AGAP1: variants seen among roughly 807,000 people sequenced by gnomAD.
The protein encoded by AGAP1 is arf-GAP with GTPase, ANK repeat and PH domain-containing protein 1.
Under a neutral mutation model 105.3 loss-of-function variants are expected in AGAP1, and 29 were observed. That is an observed-to-expected ratio of 0.28 (90% CI 0.21 to 0.38). AGAP1 has a LOEUF of 0.38. Ranked by LOEUF, AGAP1 falls within the 10% of genes least tolerant of loss-of-function variation. The probability of loss-of-function intolerance (pLI) is 1.00; values close to 1 mark genes in which losing one functional copy is unlikely to be tolerated. For synonymous variants in AGAP1, 509 were observed against 485.9 expected (o/e 1.05, Z -0.63); for missense variants, 998 against 1,165.1 (o/e 0.86, Z 2.09).
At chr2:235,808,265 A>G (rs1575520857) in intron 9 of AGAP1, among the ~76,000 whole-genome samples, 2 of 152,112 alleles carry the variant, frequency 1.3e-5, no homozygotes, top group African/African-American at 2.4e-5. Flanking sequence ...ACCGGTGTGC[A>G]CCTCCGGTCC....
rs1161280534 is a variant in AGAP1, at chr2:235,716,390, A to C, written c.223-1167A>C. On this transcript the variant is annotated intron_variant, in intron 2 of 17. Transcript: ENST00000304032. This position sits in a 1 kb window ranked among gnomAD's most constrained non-coding sequence, Gnocchi z 4.0. ...AGCGAGACAGGCTAGTGGCTTTGAAATGGAAGTTGCGGGTGACCTAGTGGG... is the reference window on the plus strand; with the variant it reads ...AGCGAGACAGGCTAGTGGCTTTGAACTGGAAGTTGCGGGTGACCTAGTGGG... Among the ~76,000 whole-genome samples the C allele has an allele frequency of 6.6e-6, 1 of 152,144 alleles. No homozygotes were observed. The highest frequency in any genetic ancestry group is 1.5e-5 in the Non-Finnish European group (1 of 68,024).
At chr2:236,060,567 G>A (rs929767070) in intron 16 of AGAP1, among the ~76,000 whole-genome samples, 3 of 152,114 alleles carry the variant, frequency 2.0e-5, no homozygotes, top group Non-Finnish European at 2.9e-5. Flanking sequence ...ACGTGCACCT[G>A]TGGTCATAGG....
At chr2:235,503,649 C>G (rs1290511854) in intron 1 of AGAP1, among the ~76,000 whole-genome samples, 2 of 152,158 alleles carry the variant, frequency 1.3e-5, no homozygotes, top group Non-Finnish European at 2.9e-5. Context: ...GGCTGAAGTG[C>G]AGTGGCACTA....
intron 2 of AGAP1, among the ~76,000 whole-genome samples, chr2:235,709,814 C>T (rs190703155): frequency 2.0e-5 from 3 of 152,296 alleles, no homozygotes; most frequent in African/African-American, 4.8e-5. Context: ...TGGTCCATCG[C>T]AGCCACCCTT....
In AGAP1 at chr2:235,517,932, CAAAAAAAAAAA is replaced by C. The variant is rs765981730; in HGVS notation, c.163+23088_163+23098del. 1.9e-4 allele frequency among the ~76,000 whole-genome samples: 4 copies of C among 21,450 alleles called. No individual in the cohort carries two copies. The highest frequency in any genetic ancestry group is 8.2e-4 in the African/African-American group (3 of 3,662). The allele number at this position is 21,450 out of a possible 152,430, so 14.1% of individuals were successfully genotyped here. On this transcript the variant is annotated intron_variant, in intron 1 of 17. Coordinates refer to ENST00000304032, the MANE Select transcript of AGAP1 (RefSeq NM_001037131.3). This position sits in a 1 kb window ranked among gnomAD's most constrained non-coding sequence, Gnocchi z 4.1. ...TGGGTGACAGAGTGAGACTCCGTTT[CAAAAAAAAAAA>C]AAAAGAAAAAAAAAAGGTAGAACTC...
At chr2:235,987,600 T>A (rs1333316490) in intron 13 of AGAP1, among the ~76,000 whole-genome samples, 1 of 151,920 alleles carries the variant, frequency 6.6e-6, no homozygotes, top group African/African-American at 2.4e-5. Flanking sequence ...AGCTTTTGGA[T>A]TAGTTCGTTG....
rs937393191 is a variant in AGAP1 at position 235,728,639 on chromosome 2, A to G, written c.310+10995A>G. 5.9e-5 allele frequency among the ~76,000 whole-genome samples: 9 copies of G among 152,212 alleles called. No homozygotes were observed. In the South Asian group the frequency reaches 1.2e-3, roughly 21 times the overall value. On this transcript the variant is annotated intron_variant, in intron 3 of 17. Coordinates refer to ENST00000304032, the MANE Select transcript of AGAP1 (RefSeq NM_001037131.3). The surrounding 1 kb of genome is among the most constrained non-coding windows in gnomAD (Gnocchi z 4.3). ...TGTTCTTGTTGTATGAGGGCAGCCC[A>G]TGTCGCCAGCATTTATTTTCTGAGC...
At chr2:235,520,542 CG>C (rs1553557850) in intron 1 of AGAP1, among the ~76,000 whole-genome samples, 1 of 152,044 alleles carries the variant, frequency 6.6e-6, no homozygotes, top group Non-Finnish European at 1.5e-5. Flanking sequence ...CCTTTCTGGG[CG>C]GGTCTGTGTG....
rs559436196 is a variant in AGAP1 at position 235,719,438 on chromosome 2, AC to A, written c.310+1795del. On this transcript the variant is annotated intron_variant, in intron 3 of 17. Transcript: ENST00000304032. This position sits in a 1 kb window ranked among gnomAD's most constrained non-coding sequence, Gnocchi z 4.9. ...ATAATTGACCCTTACATGTTGACTCACACCAAAGCATTTCTCTTGAACGTTT... is the reference window on the plus strand; with the variant it reads ...ATAATTGACCCTTACATGTTGACTCAACCAAAGCATTTCTCTTGAACGTTT... Among the ~76,000 whole-genome samples the A allele has an allele frequency of 1.6e-3, 248 of 152,298 alleles. No individual in the cohort carries two copies. The highest frequency in any genetic ancestry group is 5.7e-3 in the African/African-American group (238 of 41,554).
At chr2:235,858,580 C>T (rs1440164658) in intron 9 of AGAP1, among the ~76,000 whole-genome samples, 2 of 151,978 alleles carry the variant, frequency 1.3e-5, no homozygotes, top group Non-Finnish European at 1.5e-5. Context: ...ATAACTGTTA[C>T]TGAGAGATGA....
At chr2:236,074,498 A>G (rs1190186914) in intron 16 of AGAP1, among the ~76,000 whole-genome samples, 2 of 152,172 alleles carry the variant, frequency 1.3e-5, no homozygotes, top group African/African-American at 4.8e-5. Flanking sequence ...CAGCAATTTC[A>G]AGTTCATTCT....
chr2:235,513,260 C>G (rs940891145), intron 1 of AGAP1, among the ~76,000 whole-genome samples: 1 of 87,760 alleles, frequency 1.1e-5, no homozygotes, highest in Non-Finnish European at 2.4e-5. Context: ...GTGGCTCATG[C>G]CTGTAATCCC....
At chr2:235,807,861 G>A (rs929565852) in intron 9 of AGAP1, among the ~76,000 whole-genome samples, 2 of 152,104 alleles carry the variant, frequency 1.3e-5, no homozygotes, top group African/African-American at 2.4e-5. Flanking sequence ...GATTAGGTTC[G>A]GTTTCATTTA....
rs1002152530 is a variant in AGAP1, at chr2:235,621,909, AC to A, written c.164-87265del. 3.5e-4 allele frequency among the ~76,000 whole-genome samples: 50 copies of A among 144,608 alleles called. 1 individual carries two copies. The highest frequency in any genetic ancestry group is 6.8e-4 in the Non-Finnish European group (44 of 64,876). 94.9% of individuals were successfully genotyped at this position (144,608 alleles called of 152,430 possible). A position where few individuals can be genotyped will look rare whatever the true frequency, so the allele number is the denominator to read the frequency against. On this transcript the variant is annotated intron_variant, in intron 1 of 17. Coordinates refer to ENST00000304032, the MANE Select transcript of AGAP1 (RefSeq NM_001037131.3). This position sits in a 1 kb window ranked among gnomAD's most constrained non-coding sequence, Gnocchi z 4.1. ...AAGGGAGTGCCGCGCAGACCCCCCC[AC>A]CCCCTCAGAACAGCGGCCACTGTGT...
intron 10 of AGAP1, among the ~76,000 whole-genome samples, chr2:235,894,657 G>A (rs2050719740): frequency 8.3e-6 from 1 of 120,060 alleles, no homozygotes; most frequent in Non-Finnish European, 1.8e-5. Context: ...ACAGCTATGG[G>A]CACAACTTCA....
intron 1 of AGAP1, among the ~76,000 whole-genome samples, chr2:235,603,364 C>T (rs182754487): frequency 1.2e-4 from 18 of 152,306 alleles, no homozygotes; most frequent in Non-Finnish European, 2.2e-4. Context: ...TTATCAGCAG[C>T]ATGAAAAACG....
rs1321421022 is a variant in AGAP1, at chr2:236,005,697, A to G, written c.1646-30864A>G. Among the ~76,000 whole-genome samples, 4 of 152,096 alleles carry G rather than the reference A, an allele frequency of 2.6e-5. No homozygotes were observed. Among genetic ancestry groups the G allele is most frequent in the African/African-American group, 9.7e-5 (4 of 41,406 alleles). ...TCTTGAGGCATGCTGGGCCAGGTGT[A>G]TGATAGGAATCCCTCTACTGGAATT... On this transcript the variant is annotated intron_variant, in intron 13 of 17. Transcript: ENST00000304032. The surrounding 1 kb of genome is among the most constrained non-coding windows in gnomAD (Gnocchi z 4.1).
intron 3 of AGAP1, among the ~76,000 whole-genome samples, chr2:235,727,075 A>G (rs1951684922): frequency 6.6e-6 from 1 of 152,196 alleles, no homozygotes; most frequent in Admixed American, 6.5e-5. Context: ...CTACAGCAAA[A>G]GACTCTAAGT....
At chr2:236,007,476 A>AG (rs2056361306) in intron 13 of AGAP1, among the ~76,000 whole-genome samples, 1 of 152,246 alleles carries the variant, frequency 6.6e-6, no homozygotes, top group African/African-American at 2.4e-5. Flanking sequence ...CAGCGATCAC[A>AG]GCCCCTCAAT....
Sources: gnomAD v4.1 joint callset for allele counts (sites outside exome capture counted in the v4.1 genomes callset) on GRCh38, gnomAD v4.1.1 for gene constraint, Gnocchi (gnomAD v3.1) non-coding constraint, MANE v1.5 for transcripts, NCBI Gene and HGNC (gene_info 2026-07-23, HGNC 2026-07-21) for gene names.